The following EVX1 variants were observed in gnomAD, a reference collection of about 807,000 sequenced individuals.
The protein encoded by EVX1 is homeobox even-skipped homolog protein 1.
In EVX1, 19 loss-of-function variants were observed where a neutral mutation model predicts 28.6. That is an observed-to-expected ratio of 0.67 (90% CI 0.46 to 0.98). EVX1 has a LOEUF of 0.98. Among genes scored for constraint, EVX1 ranks in the 50% least tolerant of loss-of-function variants. The pLI is 0.00. For synonymous variants in EVX1, 324 were observed against 278.2 expected (o/e 1.16, Z -1.64); for missense variants, 660 against 583.0 (o/e 1.13, Z -1.36).
rs1439717946 is a variant in EVX1, at chr7:27,246,033, C to T, written c.832C>T (p.Pro278Ser). 4.4e-6 allele frequency: 7 copies of T among 1,595,558 alleles called. No homozygotes were observed. The highest frequency in any genetic ancestry group is 1.7e-6 in the Non-Finnish European group (2 of 1,178,172). ...GLPYPFPSHL[P>S]LPYYSPVGLG... ...GCCCTACCCCTTCCCATCGCACCTG[C>T]CCCTGCCCTACTACTCGCCGGTGGG... The change falls in exon 3 of 3, where the codon CCC (proline) becomes TCC (serine). Residue 278 changes from proline (P) to serine (S), a missense_variant. Pro to Ser is a moderately conservative substitution (Grantham distance 74, BLOSUM62 -1). Coordinates refer to ENST00000496902, the MANE Select transcript of EVX1 (RefSeq NM_001989.5).
intron 2 of EVX1, 64 bp downstream of exon 2, chr7:27,245,368 G>A (rs1783142621): frequency 4.4e-6 from 7 of 1,589,204 alleles, no homozygotes; most frequent in Non-Finnish European, 4.3e-6. Context: ...AATGCCAACT[G>A]CCAACTCCCT....
intron 1 of EVX1, chr7:27,243,839 T>C (rs1387628603): frequency 1.1e-5 from 2 of 182,934 alleles, no homozygotes; most frequent in African/African-American, 4.7e-5. Flanking sequence ...TGGCAGGGTG[T>C]AAGAGGCATG....
chr7:27,244,908 C>T, intron 1 of EVX1, 140 bp from the exon 2 acceptor site: 1 of 1,342,478 alleles, frequency 7.4e-7, no homozygotes. Flanking sequence ...GGCCGCAGTA[C>T]CCTAGCAGAA....
In EVX1 at chr7:27,247,013, C is replaced by G. The variant is rs1783212133; in HGVS notation, c.*588C>G. 1 of 151,986 alleles carries G rather than the reference C, an allele frequency of 6.6e-6. No homozygotes were observed. Among genetic ancestry groups the G allele is most frequent in the Non-Finnish European group, 1.5e-5 (1 of 68,170 alleles). 9.4% of individuals were successfully genotyped at this position (151,986 alleles called of 1,614,324 possible). ...TGATTTACTACCAGGGAGAATCCAG[C>G]CCCTTGGCATGGGACCTGGAGCCTC... is the stretch of plus-strand genomic sequence containing the variant. On this transcript the variant is annotated 3_prime_UTR_variant, in exon 3 of 3. Coordinates refer to ENST00000496902, the MANE Select transcript of EVX1 (RefSeq NM_001989.5).
In EVX1 at chr7:27,246,224, C is replaced by T. The variant is rs1366535786; in HGVS notation, c.1023C>T (p.Ala341=). ...LYPGPAHGLG[A]SAGGPCSCLA... ...CCGGGCCCGCGCACGGACTGGGCGC[C>T]TCTGCCGGCGGCCCCTGCTCCTGCC... is the stretch of plus-strand genomic sequence containing the variant. Residue 341 remains alanine, a synonymous_variant, in exon 3 of 3, where the codon GCC becomes GCT. Coordinates refer to ENST00000496902, the MANE Select transcript of EVX1 (RefSeq NM_001989.5). 19 of 1,516,586 alleles carry T rather than the reference C, an allele frequency of 1.3e-5. No individual in the cohort carries two copies. Among genetic ancestry groups the T allele is most frequent in the Non-Finnish European group, 1.5e-5 (17 of 1,141,062 alleles). 93.9% of individuals were successfully genotyped at this position (1,516,586 alleles called of 1,614,324 possible).
Position 27,247,012 on chromosome 7 carries a change from G to T in EVX1, c.*587G>T. ...ATGATTTACTACCAGGGAGAATCCA[G>T]CCCCTTGGCATGGGACCTGGAGCCT... On this transcript the variant is annotated 3_prime_UTR_variant, in exon 3 of 3. Coordinates refer to ENST00000496902, the MANE Select transcript of EVX1 (RefSeq NM_001989.5). The T allele has an allele frequency of 6.6e-6, 1 of 152,396 alleles. No individual in the cohort carries two copies. The highest frequency in any genetic ancestry group is 1.5e-5 in the Non-Finnish European group (1 of 68,284). 9.4% of individuals were successfully genotyped at this position (152,396 alleles called of 1,614,324 possible). A position where few individuals can be genotyped will look rare whatever the true frequency, so the allele number is the denominator to read the frequency against.
At position 27,245,066 on chromosome 7, in the gene EVX1, T is replaced by C. The variant is rs890421701; in HGVS notation, c.446T>C (p.Leu149Pro). ...QHSKGSGSEA[L>P]VGSPNGGSET... ...TGTGCAGGGTCCGGCTCCGAGGCGC[T>C]GGTCGGCAGTCCGAACGGAGGGAGC... Residue 149 changes from leucine to proline, a missense_variant, in exon 2 of 3, where the codon CTG becomes CCG. By Grantham distance (98) the Leu-to-Pro change is moderately conservative. Coordinates refer to ENST00000496902, the MANE Select transcript of EVX1 (RefSeq NM_001989.5). The C allele has an allele frequency of 4.3e-6, 7 of 1,611,632 alleles. No individual in the cohort carries two copies. In the South Asian group the frequency reaches 7.7e-5, roughly 18 times the overall value.
Position 27,243,344 on chromosome 7 carries a change from C to T in EVX1, c.314C>T (p.Ser105Phe). 1 of 1,606,144 alleles carries T rather than the reference C, an allele frequency of 6.2e-7. No individual in the cohort carries two copies. The change falls in exon 1 of 3, where the codon TCC becomes TTC. Residue 105 changes from serine to phenylalanine, a missense_variant. Around this residue, in one of 3 missense-constraint regions of EVX1, gnomAD observed 308 missense variants for 256.6 expected, o/e 1.20. Coordinates refer to ENST00000496902, the MANE Select transcript of EVX1 (RefSeq NM_001989.5). Reference protein sequence around the residue: ...GPPAPSVDSLSGQGQPSSSDT... With the variant: ...GPPAPSVDSLFGQGQPSSSDT... ...CCGGCCCCCTCAGTCGACAGCCTCT[C>T]CGGACAGGGGCAACCCAGTAGCTCG... is the stretch of plus-strand genomic sequence containing the variant.
chr7:27,246,499 G>T lies in EVX1; in HGVS notation c.*74G>T, dbSNP rs1583467303. The T allele has an allele frequency of 1.5e-6, 2 of 1,312,510 alleles. No homozygotes were observed. The highest frequency in any genetic ancestry group is 2.7e-5 in the East Asian group (1 of 37,550). 81.3% of individuals were successfully genotyped at this position (1,312,510 alleles called of 1,614,324 possible). ...CCGGCCCCGGGACTCAGCCAGCCTC[G>T]CTCCTCGCTCCTCGCTCCTCGCCCC... On this transcript the variant is annotated 3_prime_UTR_variant, in exon 3 of 3. Transcript: ENST00000496902.
chr7:27,244,640 T>C (rs1783120338), intron 1 of EVX1: 1 of 335,736 alleles, frequency 3.0e-6, no homozygotes, highest in Non-Finnish European at 4.6e-6. Context: ...ACTCTCTGAA[T>C]GCCCAGCATA....
intron 2 of EVX1, 136 bp downstream of exon 2, chr7:27,245,440 C>A: frequency 7.9e-7 from 1 of 1,273,484 alleles, no homozygotes; most frequent in Non-Finnish European, 1.1e-6. Flanking sequence ...GATTGACCCT[C>A]GTGACAGCTC....
rs922920840 is a variant in EVX1, at chr7:27,246,456, C to T, written c.*31C>T. Reference sequence around the variant, plus strand: ...CGCCGGCTGGCTGCCGGCTCCATGACGCCCGTGGGGTCACCCCCCGGCCCC... The same window carrying T: ...CGCCGGCTGGCTGCCGGCTCCATGATGCCCGTGGGGTCACCCCCCGGCCCC... On this transcript the variant is annotated 3_prime_UTR_variant, in exon 3 of 3. Coordinates refer to ENST00000496902, the MANE Select transcript of EVX1 (RefSeq NM_001989.5). 28 of 1,575,662 alleles carry T rather than the reference C, an allele frequency of 1.8e-5. No individual in the cohort carries two copies. Among genetic ancestry groups the T allele is most frequent in the Non-Finnish European group, 2.3e-5 (27 of 1,168,732 alleles).
rs1783203177 is a variant in EVX1, at chr7:27,246,710, G to A, written c.*285G>A. On this transcript the variant is annotated 3_prime_UTR_variant, in exon 3 of 3. Coordinates refer to ENST00000496902, the MANE Select transcript of EVX1 (RefSeq NM_001989.5). ...ACCCACCGCCCCCCACCAGGGTCGA[G>A]GCTGTAGCTCCAAAGCTAAACAAAA... 1 of 480,080 alleles carries A rather than the reference G, an allele frequency of 2.1e-6. No individual in the cohort carries two copies. The highest frequency in any genetic ancestry group is 4.0e-5 in the East Asian group (1 of 24,870). The allele number at this position is 480,080 out of a possible 1,614,324, so 29.7% of individuals were successfully genotyped here.
Position 27,246,731 on chromosome 7 carries a change from C to T in EVX1, c.*306C>T, listed in dbSNP as rs1461503517. On this transcript the variant is annotated 3_prime_UTR_variant, in exon 3 of 3. Transcript: ENST00000496902. ...TCGAGGCTGTAGCTCCAAAGCTAAACAAAACTTAGCAGCAACAGCAACCAA... is the reference window on the plus strand; with the variant it reads ...TCGAGGCTGTAGCTCCAAAGCTAAATAAAACTTAGCAGCAACAGCAACCAA... 7.0e-6 allele frequency: 3 copies of T among 427,328 alleles called. No individual in the cohort carries two copies. Among genetic ancestry groups the T allele is most frequent in the Non-Finnish European group, 1.2e-5 (3 of 241,554 alleles). 26.5% of individuals were successfully genotyped at this position (427,328 alleles called of 1,614,324 possible).
Position 27,242,884 on chromosome 7 carries a change from C to A in EVX1, c.-147C>A. 1.1e-6 allele frequency: 1 copy of A among 911,296 alleles called. No homozygotes were observed. The highest frequency in any genetic ancestry group is 1.6e-6 in the Non-Finnish European group (1 of 632,544). 56.5% of individuals were successfully genotyped at this position (911,296 alleles called of 1,614,324 possible). On this transcript the variant is annotated 5_prime_UTR_variant, in exon 1 of 3. Coordinates refer to ENST00000496902, the MANE Select transcript of EVX1 (RefSeq NM_001989.5). ...CCACCGCCGCGGTCGCGGTCCAGAC[C>A]GCGCTCCAGCAGCTCCGCGCCCTCC...
chr7:27,243,514 G>A, intron 1 of EVX1, 57 bp downstream of exon 1: 1 of 1,517,294 alleles, frequency 6.6e-7, no homozygotes. Context: ...CCTTCACTTC[G>A]GCGCAGGCCA....
Position 27,245,251 on chromosome 7 carries a change from C to G in EVX1, c.631C>G (p.Pro211Ala), listed in dbSNP as rs1280238677. ...CTACCGGGAGAACTACGTATCCAGG[C>G]CGCGGAGATGTGAGCTGGCGGCCGC... ...EFYRENYVSR[P>A]RRCELAAALN... Residue 211 changes from proline (P) to alanine (A), a missense_variant, in exon 2 of 3, where the codon CCG becomes GCG. Transcript: ENST00000496902. 1 of 1,613,478 alleles carries G rather than the reference C, an allele frequency of 6.2e-7. No individual in the cohort carries two copies. The highest frequency in any genetic ancestry group is 8.5e-7 in the Non-Finnish European group (1 of 1,180,040).
At position 27,246,330 on chromosome 7, in the gene EVX1, C is replaced by T. The variant is rs749562302; in HGVS notation, c.1129C>T (p.Arg377Cys). ...GGACTTCACCTGTGCCTCCACCTCC[C>T]GCTCGGACTCCTTCCTCACCTTCGC... is the stretch of plus-strand genomic sequence containing the variant. ...ASDFTCASTSRSDSFLTFAPS... is the reference protein window; with the variant it reads ...ASDFTCASTSCSDSFLTFAPS... The change falls in exon 3 of 3, where the codon CGC becomes TGC. Residue 377 changes from arginine (R) to cysteine (C), a missense_variant. Transcript: ENST00000496902. The T allele has an allele frequency of 1.0e-4, 162 of 1,598,958 alleles. No homozygotes were observed. In the Admixed American group the frequency reaches 1.5e-3, roughly 15 times the overall value.
At position 27,246,345 on chromosome 7, in the gene EVX1, C is replaced by G. The variant is rs1035662711; in HGVS notation, c.1144C>G (p.Leu382Val). Reference sequence around the variant, plus strand: ...CTCCACCTCCCGCTCGGACTCCTTCCTCACCTTCGCGCCCTCGGTGCTCAG... The same window carrying G: ...CTCCACCTCCCGCTCGGACTCCTTCGTCACCTTCGCGCCCTCGGTGCTCAG... ...CASTSRSDSF[L>V]TFAPSVLSKA... Residue 382 changes from leucine (L) to valine (V), a missense_variant, in exon 3 of 3, where the codon CTC becomes GTC. Leu to Val is a conservative substitution (Grantham distance 32, BLOSUM62 1). Around this residue, in one of 3 missense-constraint regions of EVX1, gnomAD observed 299 missense variants for 241.3 expected, o/e 1.24. Coordinates refer to ENST00000496902, the MANE Select transcript of EVX1 (RefSeq NM_001989.5). 1 of 1,602,052 alleles carries G rather than the reference C, an allele frequency of 6.2e-7. No homozygotes were observed. The highest frequency in any genetic ancestry group is 1.3e-5 in the African/African-American group (1 of 74,828).
Sources: gnomAD v4.1 joint callset for allele counts on GRCh38, gnomAD v4.1.1 for gene constraint, gnomAD v4.1.1 regional missense constraint, MANE v1.5 for transcripts, NCBI Gene and HGNC (gene_info 2026-07-23, HGNC 2026-07-21) for gene names.